Variants in FBXW7 observed in about 807,000 individuals in gnomAD.
The protein encoded by FBXW7 is F-box/WD repeat-containing protein 7.
Under a neutral mutation model 86.3 loss-of-function variants are expected in FBXW7, and 11 were observed. The ratio of observed to expected loss-of-function variants is 0.13; its 90% CI spans 0.08 to 0.21. The LOEUF (loss-of-function observed/expected upper bound fraction) is 0.21, where lower values mean the gene tolerates loss of function less well. Ranked by LOEUF, FBXW7 falls within the 10% of genes least tolerant of loss-of-function variation. The probability of loss-of-function intolerance (pLI) is 1.00; values close to 1 mark genes in which losing one functional copy is unlikely to be tolerated. For synonymous variants in FBXW7, 313 were observed against 297.9 expected, an observed-to-expected ratio of 1.05 and a Z score of -0.52; for missense variants, 488 against 847.4, an observed-to-expected ratio of 0.58 and a Z score of 5.27.
chr4:152,525,281 C>G (rs1749406860), intron 2 of FBXW7, among the ~76,000 whole-genome samples: 2 of 152,190 alleles, frequency 1.3e-5, no homozygotes, highest in South Asian at 4.1e-4. Context: ...GAAGTCACAG[C>G]TAGCAAGATA....
intron 4 of FBXW7, among the ~76,000 whole-genome samples, chr4:152,384,459 G>A (rs539113817): frequency 6.6e-6 from 1 of 152,130 alleles, no homozygotes; most frequent in African/African-American, 2.4e-5. Flanking sequence ...CTTATATAAG[G>A]TACTTGGAAT....
chr4:152,439,779 T>G (rs1369384531), intron 2 of FBXW7, among the ~76,000 whole-genome samples: 2 of 147,660 alleles, frequency 1.4e-5, no homozygotes. Flanking sequence ...GGCAGGAGAA[T>G]GGTGTGAACC....
At chr4:152,462,736 T>G (rs1579270193) in intron 2 of FBXW7, among the ~76,000 whole-genome samples, 2 of 152,216 alleles carry the variant, frequency 1.3e-5, no homozygotes, top group Non-Finnish European at 1.5e-5. Context: ...ATCTTATAAT[T>G]GTTAGCTGAA....
chr4:152,411,056 T>G, intron 4 of FBXW7: 3 of 597,774 alleles, frequency 5.0e-6, no homozygotes, highest in Non-Finnish European at 7.4e-6. Context: ...GAAAATTTGA[T>G]GTTAATAATT....
intron 2 of FBXW7, among the ~76,000 whole-genome samples, chr4:152,438,077 G>C (rs565667493): frequency 3.3e-5 from 5 of 152,206 alleles, no homozygotes; most frequent in Admixed American, 1.3e-4. Flanking sequence ...GGAAGGCAGA[G>C]GCAAGAGAAT....
intron 4 of FBXW7, among the ~76,000 whole-genome samples, chr4:152,393,421 A>G (rs939809967): frequency 6.6e-6 from 1 of 152,152 alleles, no homozygotes; most frequent in African/African-American, 2.4e-5. Context: ...TTCTGTCTTA[A>G]AGTTTTAATT....
intron 2 of FBXW7, among the ~76,000 whole-genome samples, chr4:152,473,130 G>C (rs1475926342): frequency 6.6e-6 from 1 of 152,160 alleles, no homozygotes; most frequent in Non-Finnish European, 1.5e-5. Context: ...TGTAGTCCCA[G>C]CTACTCAGGA....
chr4:152,500,147 C>G (rs1356219258), intron 2 of FBXW7, among the ~76,000 whole-genome samples: 1 of 152,164 alleles, frequency 6.6e-6, no homozygotes, highest in South Asian at 2.1e-4. Context: ...TCTTCCAGAC[C>G]TCTTAGTAGA....
At chr4:152,351,510 C>T (rs773869927) in intron 4 of FBXW7, among the ~76,000 whole-genome samples, 17 of 151,788 alleles carry the variant, frequency 1.1e-4, no homozygotes, top group Admixed American at 2.6e-4. Context: ...TTTCTTTCTC[C>T]AAATAATTTT....
At chr4:152,431,180 G>A (rs571971073) in intron 2 of FBXW7, among the ~76,000 whole-genome samples, 3 of 152,318 alleles carry the variant, frequency 2.0e-5, no homozygotes, top group African/African-American at 4.8e-5. Flanking sequence ...GGAAGGAGAC[G>A]AAATAAAAGC....
At chr4:152,330,931 AAGTATTCCATCTTTATAAAG>A in intron 8 of FBXW7, 63 bp from the exon 9 acceptor site, 1 of 1,510,062 alleles carries the variant, frequency 6.6e-7, no homozygotes, top group Non-Finnish European at 9.0e-7. Flanking sequence ...ACATTTTATA[AAGTATTCCATCTTTATAAAG>A]AGTATTCCAT....
At chr4:152,495,263 T>A (rs1228802336) in intron 2 of FBXW7, among the ~76,000 whole-genome samples, 1 of 151,934 alleles carries the variant, frequency 6.6e-6, no homozygotes, top group East Asian at 1.9e-4. Context: ...TGAAACCCCG[T>A]CTCTACTAAA....
chr4:152,403,908 A>T (rs1737176169), intron 4 of FBXW7, among the ~76,000 whole-genome samples: 2 of 152,216 alleles, frequency 1.3e-5, no homozygotes, highest in Non-Finnish European at 2.9e-5. Context: ...TCATGTTTAG[A>T]GAGAGCCAAA....
At chr4:152,514,230 T>G (rs150052720) in intron 2 of FBXW7, among the ~76,000 whole-genome samples, 1 of 152,302 alleles carries the variant, frequency 6.6e-6, no homozygotes, top group Non-Finnish European at 1.5e-5. Flanking sequence ...TTTAAGGACT[T>G]CATTTGAGTC....
intron 2 of FBXW7, among the ~76,000 whole-genome samples, chr4:152,463,384 A>T (rs186499652): frequency 9.8e-4 from 149 of 152,284 alleles, no homozygotes; most frequent in African/African-American, 3.4e-3. Context: ...ACAAAACCAT[A>T]AGGAAATCAC....
intron 2 of FBXW7, among the ~76,000 whole-genome samples, chr4:152,450,073 C>T (rs185492772): frequency 1.3e-5 from 2 of 152,262 alleles, no homozygotes; most frequent in Admixed American, 1.3e-4. Flanking sequence ...TCAATTTCTT[C>T]CCTGGTTTAA....
intron 2 of FBXW7, among the ~76,000 whole-genome samples, chr4:152,423,402 C>A (rs1739115214): frequency 6.6e-6 from 1 of 152,080 alleles, no homozygotes; most frequent in Non-Finnish European, 1.5e-5. Context: ...ACAGTAAAAA[C>A]TTTGTAAATT....
At chr4:152,482,271 T>C (rs535559642) in intron 2 of FBXW7, among the ~76,000 whole-genome samples, 2 of 152,346 alleles carry the variant, frequency 1.3e-5, no homozygotes, top group Non-Finnish European at 2.9e-5. Flanking sequence ...AACTAAGGCA[T>C]GTACATTTTT....
intron 4 of FBXW7, among the ~76,000 whole-genome samples, chr4:152,394,879 T>C (rs1228044644): frequency 1.3e-5 from 2 of 152,066 alleles, no homozygotes; most frequent in Non-Finnish European, 2.9e-5. Context: ...AGCTAGCATT[T>C]GAAAATCCCC....
Sources: gnomAD v4.1 joint callset for allele counts (sites outside exome capture counted in the v4.1 genomes callset) on GRCh38, gnomAD v4.1.1 for gene constraint, MANE v1.5 for transcripts, NCBI Gene and HGNC (gene_info 2026-07-23, HGNC 2026-07-21) for gene names.